Variants in PEAR1 observed in about 807,000 individuals in gnomAD.
The protein encoded by PEAR1 is platelet endothelial aggregation receptor 1.
In PEAR1, 113 loss-of-function variants were observed where a neutral mutation model predicts 131.2. The observed-to-expected ratio is 0.86, with a 90% CI of 0.74 to 1.01. PEAR1 has a LOEUF of 1.01. Ranked by LOEUF, PEAR1 falls within the 50% of genes least tolerant of loss-of-function variation. The pLI, the probability that PEAR1 is intolerant of heterozygous loss-of-function variation, is 0.00. For synonymous variants in PEAR1, 565 were observed against 523.3 expected, an observed-to-expected ratio of 1.08 and a Z score of -1.09; for missense variants, 1,408 against 1,391.1, an observed-to-expected ratio of 1.01 and a Z score of -0.19.
intron 19 of PEAR1, 38 bp downstream of exon 19, chr1:156,913,320 C>A: frequency 6.3e-7 from 1 of 1,597,434 alleles, no homozygotes; most frequent in Admixed American, 1.7e-5. Flanking sequence ...TGGAGGGAAG[C>A]GCACAGACCA....
chr1:156,913,163 A>G, intron 18 of PEAR1, 31 bp from the exon 19 acceptor site: 1 of 1,605,076 alleles, frequency 6.2e-7, no homozygotes. Context: ...CCCATCGCTG[A>G]GCTCACCCTG....
In PEAR1 at chr1:156,907,715, C is replaced by T. The variant is rs77456537; in HGVS notation, c.750C>T (p.Cys250=). ...AAACCCCACAGGGCTCCTGCAGCTG[C>T]CCCCCTGGCTGGATGGTATGGAGGG... ...VFQTPQGSCS[C]PPGWMGTICS... The change falls in exon 7 of 23, where the codon TGC becomes TGT. Residue 250 remains cysteine, a synonymous_variant. Coordinates refer to ENST00000292357, the MANE Select transcript of PEAR1 (RefSeq NM_001080471.3). 6.2e-7 allele frequency: 1 copy of T among 1,610,100 alleles called. No individual in the cohort carries two copies. Among genetic ancestry groups the T allele is most frequent in the South Asian group, 1.1e-5 (1 of 90,436 alleles).
chr1:156,913,203 C>G lies in PEAR1; in HGVS notation c.2432C>G (p.Pro811Arg), dbSNP rs759511412. ...TGTGTCTGTCATGCAGATGTCCCTC[C>G]GAGCTACAGTCACTACTACTCCAAC... is the stretch of plus-strand genomic sequence containing the variant. ...GSEYVMPDVP[P>R]SYSHYYSNPS... Residue 811 changes from proline (P) to arginine (R), a missense_variant, in exon 19 of 23, where the codon CCG (proline) becomes CGG (arginine). Transcript: ENST00000292357. 1 of 1,613,628 alleles carries G rather than the reference C, an allele frequency of 6.2e-7. No homozygotes were observed. The highest frequency in any genetic ancestry group is 8.5e-7 in the Non-Finnish European group (1 of 1,179,756).
At chr1:156,911,119 T>TTTTCTTTC (rs1651095139) in intron 15 of PEAR1, among the ~76,000 whole-genome samples, 1 of 140,160 alleles carries the variant, frequency 7.1e-6, no homozygotes, top group Admixed American at 7.2e-5. Context: ...TTCTTTCTTC[T>TTTTCTTTC]TTCTTTCTTT....
At chr1:156,914,197 G>A in intron 22 of PEAR1, 97 bp downstream of exon 22, 2 of 1,450,944 alleles carry the variant, frequency 1.4e-6, no homozygotes, top group East Asian at 2.5e-5. Context: ...GGCATGATGT[G>A]GCATCAAGAG....
chr1:156,895,310 C>T (rs1483927883), intron 1 of PEAR1, among the ~76,000 whole-genome samples: 3 of 152,232 alleles, frequency 2.0e-5, no homozygotes, highest in Non-Finnish European at 4.4e-5. Context: ...GGTCATGGGG[C>T]TGCTGTGTGC....
In PEAR1 at chr1:156,914,021, C is replaced by T. The variant is rs1651596459; in HGVS notation, c.2883C>T (p.Phe961=). The stretch of plus-strand genomic sequence containing the variant: ...CTCCCCCCAGGCAGCCTCCTCAGTT[C>T]TGGGACAGCCAGAGGCGGCGGCAAC... ...SGSPPRQPPQ[F]WDSQRRRQPQ... The change falls in exon 22 of 23, where the codon TTC becomes TTT. Residue 961 remains phenylalanine (F), a synonymous_variant. Coordinates refer to ENST00000292357, the MANE Select transcript of PEAR1 (RefSeq NM_001080471.3). 1 of 1,611,964 alleles carries T rather than the reference C, an allele frequency of 6.2e-7. No individual in the cohort carries two copies. The highest frequency in any genetic ancestry group is 1.3e-5 in the African/African-American group (1 of 74,888).
At chr1:156,897,689 AG>A (rs1649294273) in intron 1 of PEAR1, among the ~76,000 whole-genome samples, 1 of 152,246 alleles carries the variant, frequency 6.6e-6, no homozygotes, top group African/African-American at 2.4e-5. Context: ...CCTGGAGAGC[AG>A]GGAGGAGGGC....
At chr1:156,911,102 C>CCTTCCTTTT (rs1651080425) in intron 15 of PEAR1, among the ~76,000 whole-genome samples, 1 of 119,104 alleles carries the variant, frequency 8.4e-6, no homozygotes, top group Admixed American at 8.5e-5. Flanking sequence ...TCCTTTCTTT[C>CCTTCCTTTT]TTTCTTTTCT....
At position 156,910,272 on chromosome 1, in the gene PEAR1, G is replaced by A. The variant is rs1369488909; in HGVS notation, c.1717G>A (p.Gly573Arg). ...CCTGTCCTGCCCTGAGGGCTTATGGGGAGTCAACTGTAGCAACACCTGCAC... is the reference window on the plus strand; with the variant it reads ...CCTGTCCTGCCCTGAGGGCTTATGGAGAGTCAACTGTAGCAACACCTGCAC... ...CHLSCPEGLW[G>R]VNCSNTCTCK... The change falls in exon 14 of 23, where the codon GGA (glycine) becomes AGA (arginine). Residue 573 changes from glycine to arginine, a missense_variant. Gly to Arg is a moderately radical substitution (Grantham distance 125). Coordinates refer to ENST00000292357, the MANE Select transcript of PEAR1 (RefSeq NM_001080471.3). 6.2e-7 allele frequency: 1 copy of A among 1,613,364 alleles called. No individual in the cohort carries two copies.
Position 156,915,048 on chromosome 1 carries a change from A to C in PEAR1, c.*250A>C. 1 of 448,092 alleles carries C rather than the reference A, an allele frequency of 2.2e-6. No homozygotes were observed. Among genetic ancestry groups the C allele is most frequent in the Non-Finnish European group, 3.9e-6 (1 of 256,412 alleles). 27.8% of individuals were successfully genotyped at this position (448,092 alleles called of 1,614,324 possible). ...GGCCTCCAGGGCCCTGTGTACATAA[A>C]CTGGTGGGTTGGAAGTTGCTGGGTA... On this transcript the variant is annotated 3_prime_UTR_variant, in exon 23 of 23. Transcript: ENST00000292357.
intron 15 of PEAR1, among the ~76,000 whole-genome samples, chr1:156,911,056 T>TCTTTCTTTCTTC: frequency 8.9e-6 from 1 of 111,734 alleles, no homozygotes; most frequent in Non-Finnish European, 1.6e-5. Flanking sequence ...TTTCTTTCTT[T>TCTTTCTTTCTTC]CTTTCTTTCT....
Position 156,907,745 on chromosome 1 carries a change from G to A in PEAR1, c.765+15G>A. On this transcript the variant is annotated intron_variant, in intron 7 of 22. Transcript: ENST00000292357. ...CTGGCTGGATGGTATGGAGGGTGGG[G>A]CCTGTGGGCATGGGGTGTGGGTCTG... 1 of 1,601,022 alleles carries A rather than the reference G, an allele frequency of 6.2e-7. No homozygotes were observed. Among genetic ancestry groups the A allele is most frequent in the Non-Finnish European group, 8.5e-7 (1 of 1,172,854 alleles).
rs200426016 is a variant in PEAR1, at chr1:156,911,204, C to T, written c.1951+461C>T. 1.1e-3 allele frequency among the ~76,000 whole-genome samples: 69 copies of T among 62,488 alleles called. 1 individual carries two copies. The highest frequency in any genetic ancestry group is 6.1e-3 in the East Asian group (5 of 816). 41.0% of individuals were successfully genotyped at this position (62,488 alleles called of 152,430 possible). A position where few individuals can be genotyped will look rare whatever the true frequency, so the allele number is the denominator to read the frequency against. On this transcript the variant is annotated intron_variant, in intron 15 of 22. Coordinates refer to ENST00000292357, the MANE Select transcript of PEAR1 (RefSeq NM_001080471.3). ...TCTTTCTTCTTTCTTTCTTTCTTTT[C>T]TTTCTTTCTTTCTTTCCTTTCTTTC...
chr1:156,902,188 G>A lies in PEAR1; in HGVS notation c.-9-1730G>A, dbSNP rs1032179664. 6.6e-6 allele frequency: 1 copy of A among 152,472 alleles called. No individual in the cohort carries two copies. The highest frequency in any genetic ancestry group is 1.5e-5 in the Non-Finnish European group (1 of 68,268). The allele number at this position is 152,472 out of a possible 1,614,324, so 9.4% of individuals were successfully genotyped here. ...GCCAGGCTCTGTTTCCTGTTTTCAG[G>A]CTTCATATCCTGAACGCTGGGATCC... On this transcript the variant is annotated intron_variant, in intron 1 of 22. Coordinates refer to ENST00000292357, the MANE Select transcript of PEAR1 (RefSeq NM_001080471.3). The surrounding 1 kb of genome is among the most constrained non-coding windows in gnomAD (Gnocchi z 4.3).
chr1:156,914,360 G>A (rs1022158954), intron 22 of PEAR1, among the ~76,000 whole-genome samples: 3 of 152,150 alleles, frequency 2.0e-5, no homozygotes, highest in Non-Finnish European at 4.4e-5. Context: ...TCAGAGTGGT[G>A]GAGTTGGTAC....
Position 156,906,309 on chromosome 1 carries a change from G to A in PEAR1, c.341G>A (p.Cys114Tyr). 1 of 1,614,214 alleles carries A rather than the reference G, an allele frequency of 6.2e-7. No homozygotes were observed. Among genetic ancestry groups the A allele is most frequent in the Admixed American group, 1.7e-5 (1 of 60,024 alleles). ...LCAQECVHGRCVAPNQCQCVP... is the reference protein window; with the variant it reads ...LCAQECVHGRYVAPNQCQCVP... ...GCCCAGGAGTGTGTCCATGGCCGTT[G>A]TGTGGCACCCAATCAGTGCCAATGT... Residue 114 changes from cysteine (C) to tyrosine (Y), a missense_variant, in exon 5 of 23, where the codon TGT becomes TAT. Physicochemically the swap from Cys to Tyr is radical, Grantham distance 194 (BLOSUM62 -2). Transcript: ENST00000292357.
At chr1:156,911,107 T>TTTCCTTCC (rs879444689) in intron 15 of PEAR1, among the ~76,000 whole-genome samples, 8,262 of 117,364 alleles carry the variant, frequency 0.07, 884 homozygotes, top group African/African-American at 0.16. Flanking sequence ...TCTTTCTTTC[T>TTTCCTTCC]TTTCTTTCTT....
At position 156,910,663 on chromosome 1, in the gene PEAR1, G is replaced by A. The variant is rs1178164297; in HGVS notation, c.1871G>A (p.Cys624Tyr). 6.2e-6 allele frequency: 10 copies of A among 1,614,016 alleles called. No homozygotes were observed. The highest frequency in any genetic ancestry group is 8.5e-6 in the Non-Finnish European group (10 of 1,180,048). ...GGCAAACGCTGTGTGCCCTGCAAGT[G>A]CGCTAACCACTCCTTCTGCCACCCC... ...RYGKRCVPCK[C>Y]ANHSFCHPSN... is the part of the protein sequence containing the mutation. Residue 624 changes from cysteine (C) to tyrosine (Y), a missense_variant, in exon 15 of 23, where the codon TGC (cysteine) becomes TAC (tyrosine). Cys to Tyr is a radical substitution (Grantham distance 194, BLOSUM62 -2). Transcript: ENST00000292357.
Sources: allele counts gnomAD v4.1 joint callset (sites outside exome capture counted in the v4.1 genomes callset), GRCh38; gene constraint gnomAD v4.1.1; non-coding constraint Gnocchi (gnomAD v3.1); transcripts MANE v1.5; gene names NCBI Gene and HGNC (gene_info 2026-07-23, HGNC 2026-07-21).